Variants in MACF1 observed in about 807,000 individuals in gnomAD.
MACF1 encodes the protein microtubule-actin cross-linking factor 1.
In MACF1, 193 loss-of-function variants were observed where a neutral mutation model predicts 854.8. That is an observed-to-expected ratio of 0.23 (90% CI 0.20 to 0.25). The LOEUF is 0.25. MACF1 is among the 10% of genes least tolerant of loss of function. The probability of loss-of-function intolerance (pLI) is 1.00; values close to 1 mark genes in which losing one functional copy is unlikely to be tolerated. For synonymous variants in MACF1, 3,185 were observed against 3,226.7 expected, an observed-to-expected ratio of 0.99 and a Z score of 0.44; for missense variants, 7,722 against 8,929.1, an observed-to-expected ratio of 0.86 and a Z score of 5.45.
intron 1 of MACF1, among the ~76,000 whole-genome samples, chr1:39,217,369 G>T (rs977985532): frequency 5.3e-5 from 8 of 151,384 alleles, no homozygotes; most frequent in Non-Finnish European, 1.0e-4. Context: ...CCACCTCAGG[G>T]GCTCAAACGA....
At chr1:39,242,826 C>G (rs968137563) in intron 2 of MACF1, among the ~76,000 whole-genome samples, 1 of 151,970 alleles carries the variant, frequency 6.6e-6, no homozygotes, top group Non-Finnish European at 1.5e-5. Context: ...GAGATGATCT[C>G]TTGAGGCCAG....
At chr1:39,404,173 A>C (rs1458387881) in intron 58 of MACF1, among the ~76,000 whole-genome samples, 1 of 151,512 alleles carries the variant, frequency 6.6e-6, no homozygotes, top group South Asian at 2.1e-4. Flanking sequence ...AAATAAATAA[A>C]TAAATAAATA....
At chr1:39,123,203 ATTTTTTTTTT>A (rs10585991) in intron 2 of MACF1, among the ~76,000 whole-genome samples, 1 of 111,916 alleles carries the variant, frequency 8.9e-6, no homozygotes. Context: ...ATATATATAA[ATTTTTTTTTT>A]TTTTTTTTTT....
chr1:39,434,493 C>T lies in MACF1; in HGVS notation c.17645C>T (p.Ala5882Val). 1 of 1,613,232 alleles carries T rather than the reference C, an allele frequency of 6.2e-7. No homozygotes were observed. The highest frequency in any genetic ancestry group is 8.5e-7 in the Non-Finnish European group (1 of 1,179,900). The change falls in exon 69 of 101, where the codon GCC (alanine) becomes GTC (valine). Residue 5882 changes from alanine (A) to valine (V), a missense_variant. Physicochemically the swap from Ala to Val is moderately conservative, Grantham distance 64. Transcript: ENST00000564288. ...NSERYARLERAQVLVNQFWET... is the reference protein window; with the variant it reads ...NSERYARLERVQVLVNQFWET... ...GAGCGTTATGCCCGCCTAGAGCGGG[C>T]CCAGGTCTTAGTAAACCAGTTTTGG... is the stretch of plus-strand genomic sequence containing the variant.
intron 1 of MACF1, among the ~76,000 whole-genome samples, chr1:39,229,563 T>C (rs76231802): frequency 6.6e-6 from 1 of 152,220 alleles, no homozygotes; most frequent in South Asian, 2.1e-4. Flanking sequence ...GTTCTCTGTC[T>C]TGGAAAAGAT....
intron 5 of MACF1, among the ~76,000 whole-genome samples, chr1:39,257,073 G>A (rs955447173): frequency 1.3e-5 from 2 of 152,012 alleles, no homozygotes; most frequent in African/African-American, 4.8e-5. Context: ...CCCACTCCTA[G>A]GAATATACCC....
intron 70 of MACF1, among the ~76,000 whole-genome samples, chr1:39,437,244 G>C (rs1643998753): frequency 8.2e-6 from 1 of 121,884 alleles, no homozygotes; most frequent in South Asian, 2.3e-4. Flanking sequence ...ATAAATATTG[G>C]CTTTTTTTTT....
chr1:39,477,077 A>ACACTTAGTGTG (rs1183082119), intron 97 of MACF1, among the ~76,000 whole-genome samples: 9 of 19,226 alleles, frequency 4.7e-4, no homozygotes, highest in South Asian at 2.2e-3. Context: ...ATATATATAT[A>ACACTTAGTGTG]TATATATATA....
intron 58 of MACF1, among the ~76,000 whole-genome samples, chr1:39,414,854 T>C (rs911602915): frequency 3.3e-5 from 5 of 152,190 alleles, no homozygotes; most frequent in Admixed American, 3.3e-4. Context: ...TGTCAACATT[T>C]AGGTAGAGGC....
chr1:39,110,138 G>C (rs1642357271), intron 2 of MACF1, among the ~76,000 whole-genome samples: 1 of 151,932 alleles, frequency 6.6e-6, no homozygotes, highest in African/African-American at 2.4e-5. Flanking sequence ...TATGGGTTGA[G>C]GATTTGGGAT....
At position 39,333,418 on chromosome 1, in the gene MACF1, T is replaced by C. The variant is rs1362298653; in HGVS notation, c.6830T>C (p.Leu2277Ser). The change falls in exon 37 of 101, where the codon TTA becomes TCA. Residue 2277 changes from leucine to serine, a missense_variant. This residue lies in a region of MACF1 where 1,531 missense variants were observed against 1,601.6 expected (regional missense o/e 0.96). Coordinates refer to ENST00000564288, the MANE Select transcript of MACF1 (RefSeq NM_001394062.1). Reference sequence around the variant, plus strand: ...ATTTTTCTGTCATGCAGTCATCCATTAGAATTGCTTGAAGAAGCTACCTTA... The same window carrying C: ...ATTTTTCTGTCATGCAGTCATCCATCAGAATTGCTTGAAGAAGCTACCTTA... ...REIFLSCSHP[L>S]ELLEEATLNV... 2 of 1,614,188 alleles carry C rather than the reference T, an allele frequency of 1.2e-6. No homozygotes were observed. Among genetic ancestry groups the C allele is most frequent in the Non-Finnish European group, 1.7e-6 (2 of 1,180,034 alleles).
At chr1:39,366,573 T>A (rs1648732000) in intron 49 of MACF1, among the ~76,000 whole-genome samples, 1 of 152,218 alleles carries the variant, frequency 6.6e-6, no homozygotes, top group African/African-American at 2.4e-5. Flanking sequence ...TTTGTGTTGC[T>A]ATAGTAAGTT....
At chr1:39,447,616 T>C in intron 81 of MACF1, 29 bp downstream of exon 81, 1 of 1,613,564 alleles carries the variant, frequency 6.2e-7, no homozygotes, top group Non-Finnish European at 8.5e-7. Flanking sequence ...TGCTGCATTC[T>C]TTTTGAAAGC....
At chr1:39,119,193 T>C (rs946296265) in intron 2 of MACF1, among the ~76,000 whole-genome samples, 2 of 151,898 alleles carry the variant, frequency 1.3e-5, no homozygotes, top group South Asian at 2.1e-4. Flanking sequence ...GGCCCATGCC[T>C]GTAATCCCAG....
At chr1:39,309,830 C>T (rs768274595) in intron 24 of MACF1, 134 bp downstream of exon 24, 69 of 893,788 alleles carry the variant, frequency 7.7e-5, no homozygotes, top group African/African-American at 2.0e-4. Flanking sequence ...TTTTAGAGTT[C>T]GAGACCTGAG....
At chr1:39,205,199 G>A (rs1644436592) in intron 1 of MACF1, 68 bp downstream of exon 1, 1 of 698,452 alleles carries the variant, frequency 1.4e-6, no homozygotes, top group Non-Finnish European at 2.6e-6. Context: ...GTGAATGATG[G>A]AGGTCTTCCC....
intron 2 of MACF1, among the ~76,000 whole-genome samples, chr1:39,091,973 C>T (rs1336974698): frequency 6.6e-6 from 1 of 152,206 alleles, no homozygotes; most frequent in Non-Finnish European, 1.5e-5. Context: ...GAGCCCAGCT[C>T]CTGCCTATGA....
chr1:39,391,593 A>G (rs770967610), intron 58 of MACF1, among the ~76,000 whole-genome samples: 5 of 152,204 alleles, frequency 3.3e-5, no homozygotes, highest in Non-Finnish European at 7.3e-5. Context: ...ATTGCATTAG[A>G]TATGAGCTAA....
chr1:39,102,554 G>A (rs981943032), intron 2 of MACF1: 10 of 595,058 alleles, frequency 1.7e-5, no homozygotes, highest in South Asian at 1.7e-4. Flanking sequence ...CGGTTGGATG[G>A]CCCTGAGGCG....
Sources: allele counts gnomAD v4.1 joint callset (sites outside exome capture counted in the v4.1 genomes callset), GRCh38; gene constraint gnomAD v4.1.1; regional missense constraint gnomAD v4.1.1; transcripts MANE v1.5; gene names NCBI Gene and HGNC (gene_info 2026-07-23, HGNC 2026-07-21).